Variants in NRG3 observed in about 807,000 individuals in gnomAD.
NRG3 encodes the protein pro-neuregulin-3, membrane-bound isoform.
A neutral mutation model predicts 66.9 loss-of-function variants in NRG3; 31 were observed. The ratio of observed to expected loss-of-function variants is 0.46; its 90% CI spans 0.35 to 0.63. NRG3 has a LOEUF of 0.63. NRG3 is among the 20% of genes least tolerant of loss of function. The probability of loss-of-function intolerance (pLI) is 0.00; values close to 1 mark genes in which losing one functional copy is unlikely to be tolerated. For missense variants in NRG3, 910 were observed against 878.9 expected (o/e 1.04, Z -0.45); for synonymous variants, 393 against 359.4 (o/e 1.09, Z -1.06).
intron 1 of NRG3, among the ~76,000 whole-genome samples, chr10:82,330,640 A>G (rs996009336): frequency 1.3e-5 from 2 of 152,204 alleles, no homozygotes; most frequent in Non-Finnish European, 2.9e-5. Flanking sequence ...TGAGGTCAAA[A>G]ATTAGAAATA....
At chr10:82,177,677 G>A (rs1165372936) in intron 1 of NRG3, among the ~76,000 whole-genome samples, 1 of 152,120 alleles carries the variant, frequency 6.6e-6, no homozygotes, top group Non-Finnish European at 1.5e-5. Context: ...GGGCCTATGT[G>A]ATCCTCCCAC....
At chr10:82,148,691 C>A (rs553181629) in intron 1 of NRG3, among the ~76,000 whole-genome samples, 1 of 151,996 alleles carries the variant, frequency 6.6e-6, no homozygotes, top group South Asian at 2.1e-4. Flanking sequence ...GTTCCTGGGT[C>A]GTATTGATGA....
chr10:82,545,880 C>T (rs1428210255), intron 2 of NRG3, among the ~76,000 whole-genome samples: 2 of 149,034 alleles, frequency 1.3e-5, no homozygotes, highest in South Asian at 2.1e-4. Context: ...CTCCTCCTCC[C>T]GGGTTCACGC....
intron 1 of NRG3, among the ~76,000 whole-genome samples, chr10:81,970,293 A>G (rs931804843): frequency 5.9e-5 from 9 of 152,298 alleles, no homozygotes; most frequent in African/African-American, 2.2e-4. Context: ...TGTCAGAGAG[A>G]TGTTATTTGT....
chr10:82,941,358 A>G (rs1283774884), intron 4 of NRG3, among the ~76,000 whole-genome samples: 1 of 152,216 alleles, frequency 6.6e-6, no homozygotes, highest in Non-Finnish European at 1.5e-5. Context: ...TTATAAGGCC[A>G]TTGAACTCTT....
At chr10:82,241,044 T>C (rs1017619309) in intron 1 of NRG3, among the ~76,000 whole-genome samples, 1 of 152,008 alleles carries the variant, frequency 6.6e-6, no homozygotes, top group African/African-American at 2.4e-5. Context: ...ATTCCTTGAG[T>C]TTTTGGGAGA....
chr10:81,945,335 C>T (rs1002276118), intron 1 of NRG3, among the ~76,000 whole-genome samples: 4 of 151,992 alleles, frequency 2.6e-5, no homozygotes, highest in Non-Finnish European at 4.4e-5. Flanking sequence ...TACTCCTCCT[C>T]CTCCTTCTAA....
intron 2 of NRG3, among the ~76,000 whole-genome samples, chr10:82,532,109 C>A (rs560851684): frequency 6.6e-6 from 1 of 151,744 alleles, no homozygotes; most frequent in African/African-American, 2.4e-5. Flanking sequence ...GGATATCCAT[C>A]GCCTGAAGCA....
At chr10:82,645,422 A>G (rs2133842875) in intron 2 of NRG3, among the ~76,000 whole-genome samples, 1 of 152,254 alleles carries the variant, frequency 6.6e-6, no homozygotes, top group South Asian at 2.1e-4. Context: ...TTACTTTAGA[A>G]TTGCCCCACC....
intron 2 of NRG3, among the ~76,000 whole-genome samples, chr10:82,378,751 T>C (rs1406638464): frequency 6.6e-6 from 1 of 151,818 alleles, no homozygotes; most frequent in African/African-American, 2.4e-5. Flanking sequence ...TTGTATTTTT[T>C]ATAGAGACGG....
chr10:82,219,373 C>A (rs1177097691), intron 1 of NRG3, among the ~76,000 whole-genome samples: 1 of 150,956 alleles, frequency 6.6e-6, no homozygotes, highest in African/African-American at 2.4e-5. Context: ...GTCATCCAAA[C>A]TCGAGATTCG....
At chr10:82,065,819 C>T (rs1180964337) in intron 1 of NRG3, among the ~76,000 whole-genome samples, 2 of 152,110 alleles carry the variant, frequency 1.3e-5, no homozygotes, top group Non-Finnish European at 2.9e-5. Context: ...ATCCTCCCAC[C>T]AATCCAAAGT....
intron 2 of NRG3, among the ~76,000 whole-genome samples, chr10:82,418,408 A>T (rs2088766653): frequency 6.6e-6 from 1 of 152,212 alleles, no homozygotes; most frequent in Admixed American, 6.5e-5. Flanking sequence ...GTTTATGCAA[A>T]TTAACCAGTT....
chr10:81,935,293 T>A (rs1847753093), intron 1 of NRG3, among the ~76,000 whole-genome samples: 1 of 152,228 alleles, frequency 6.6e-6, no homozygotes, highest in Non-Finnish European at 1.5e-5. Context: ...TATTAATATG[T>A]CATTTTGGGG....
chr10:82,559,558 A>G (rs952966449), intron 2 of NRG3, among the ~76,000 whole-genome samples: 6 of 152,206 alleles, frequency 3.9e-5, no homozygotes, highest in Non-Finnish European at 7.3e-5. Context: ...GGTTGGACCC[A>G]GAAGGACAGC....
intron 3 of NRG3, among the ~76,000 whole-genome samples, chr10:82,743,041 A>T (rs2058494783): frequency 6.6e-6 from 1 of 152,076 alleles, no homozygotes; most frequent in Non-Finnish European, 1.5e-5. Context: ...GGTAGAGAAG[A>T]TGCCCATTGG....
At chr10:81,925,760 GA>G (rs1431271286) in intron 1 of NRG3, among the ~76,000 whole-genome samples, 1 of 150,954 alleles carries the variant, frequency 6.6e-6, no homozygotes, top group Non-Finnish European at 1.5e-5. Flanking sequence ...AAAAAAAAGA[GA>G]AATCCATCTT....
intron 1 of NRG3, among the ~76,000 whole-genome samples, chr10:82,127,950 G>A (rs1000426278): frequency 6.6e-6 from 1 of 151,940 alleles, no homozygotes; most frequent in African/African-American, 2.4e-5. Context: ...TTCAAATCAT[G>A]GAGTGGTTCA....
At chr10:82,587,867 C>A (rs1328911044) in intron 2 of NRG3, among the ~76,000 whole-genome samples, 1 of 152,042 alleles carries the variant, frequency 6.6e-6, no homozygotes, top group African/African-American at 2.4e-5. Context: ...TGTAAATAGT[C>A]GATGTGATGA....
Sources: allele counts gnomAD v4.1 joint callset (sites outside exome capture counted in the v4.1 genomes callset), GRCh38; gene constraint gnomAD v4.1.1; transcripts MANE v1.5; gene names NCBI Gene and HGNC (gene_info 2026-07-23, HGNC 2026-07-21).